The following DACH2 variants were observed in gnomAD, a reference collection of about 807,000 sequenced individuals.
The protein encoded by DACH2 is dachshund homolog 2.
DACH2 carries 17 observed loss-of-function variants against 35.8 expected under a neutral mutation model. That is an observed-to-expected ratio of 0.48 (90% CI 0.33 to 0.71). DACH2 has a LOEUF of 0.71. Among genes scored for constraint, DACH2 ranks in the 30% least tolerant of loss-of-function variants. The pLI is 0.02. For missense variants in DACH2, 469 were observed against 472.7 expected (o/e 0.99, Z 0.07); for synonymous variants, 195 against 177.3 (o/e 1.10, Z -0.79).
At chrX:86,186,768 T>G (rs1010094150) in intron 1 of DACH2, among the ~76,000 whole-genome samples, 8 of 111,379 alleles carry the variant, frequency 7.2e-5, no homozygotes, top group African/African-American at 2.3e-4. Context: ...CAAGCTGGGG[T>G]CCAGACCCCA....
In DACH2 at chrX:86,565,608, G is replaced by A. The variant is rs190917980; in HGVS notation, c.640+51217G>A. 2.0e-4 allele frequency among the ~76,000 whole-genome samples: 22 copies of A among 111,354 alleles called. No homozygotes were observed. In the East Asian group the frequency reaches 2.3e-3, roughly 11 times the overall value. On this transcript the variant is annotated intron_variant, in intron 3 of 11. Coordinates refer to ENST00000373125, the MANE Select transcript of DACH2 (RefSeq NM_053281.3). Reference sequence around the variant, plus strand: ...CTCTTTTTATTTTCTTCATCTGGCCGTTTATAGCACATAGAAGGTACTCAG... The same window carrying A: ...CTCTTTTTATTTTCTTCATCTGGCCATTTATAGCACATAGAAGGTACTCAG...
At position 86,463,390 on chromosome X, in the gene DACH2, T is replaced by A. The variant is rs781340672; in HGVS notation, c.528-50889T>A. Among the ~76,000 whole-genome samples the A allele has an allele frequency of 9.1e-5, 10 of 110,472 alleles. No individual in the cohort carries two copies. In the South Asian group the frequency reaches 3.5e-3, roughly 38 times the overall value. On this transcript the variant is annotated intron_variant, in intron 2 of 11. Coordinates refer to ENST00000373125, the MANE Select transcript of DACH2 (RefSeq NM_053281.3). Reference sequence around the variant, plus strand: ...GTGTAGAACATCTACAACCACCTGATTTTCAACAAACCTGACAAAAACAAG... The same window carrying A: ...GTGTAGAACATCTACAACCACCTGAATTTCAACAAACCTGACAAAAACAAG...
chrX:86,401,787 C>G (rs1223911498), intron 2 of DACH2, among the ~76,000 whole-genome samples: 1 of 106,225 alleles, frequency 9.4e-6, no homozygotes, highest in East Asian at 3.0e-4. Flanking sequence ...AAATCCTCAA[C>G]AAAATACTAG....
intron 1 of DACH2, among the ~76,000 whole-genome samples, chrX:86,287,160 C>T (rs1207444649): frequency 1.3e-5 from 1 of 76,397 alleles, no homozygotes; most frequent in African/African-American, 5.7e-5. Context: ...ATATGCTATT[C>T]TAGGGTAAAT....
chrX:86,252,191 AT>A (rs1002506875), intron 1 of DACH2, among the ~76,000 whole-genome samples: 8 of 107,167 alleles, frequency 7.5e-5, no homozygotes, highest in South Asian at 4.0e-4. Context: ...GATGTGATTG[AT>A]TTTTTTTTCT....
chrX:86,376,787 TTTTA>T (rs1341904649), intron 1 of DACH2, 33 bp from the exon 2 acceptor site: 9 of 1,114,300 alleles, frequency 8.1e-6, no homozygotes, highest in East Asian at 3.3e-5. Flanking sequence ...AATTAACCAG[TTTTA>T]TTTATTTATT....
chrX:86,503,161 A>G (rs775342778), intron 2 of DACH2, among the ~76,000 whole-genome samples: 15 of 112,142 alleles, frequency 1.3e-4, no homozygotes, highest in Non-Finnish European at 1.1e-4. Flanking sequence ...TATGTTTTCT[A>G]TTCTCTTCCC....
chrX:86,360,332 C>A (rs761366775), intron 1 of DACH2, among the ~76,000 whole-genome samples: 1 of 111,258 alleles, frequency 9.0e-6, no homozygotes. Context: ...CCCACACTTT[C>A]ATTCTGTTGG....
At chrX:86,407,067 A>G (rs901533516) in intron 2 of DACH2, among the ~76,000 whole-genome samples, 7 of 112,128 alleles carry the variant, frequency 6.2e-5, no homozygotes, top group African/African-American at 2.3e-4. Context: ...AGAGACTTGA[A>G]CTAACATGAT....
rs746819922 is a variant in DACH2, at chrX:86,622,956, CAT to C, written c.641-28079_641-28078del. Among the ~76,000 whole-genome samples, 421 of 111,884 alleles carry C rather than the reference CAT, an allele frequency of 3.8e-3. 2 individuals carry two copies. Among genetic ancestry groups the C allele is most frequent in the Non-Finnish European group, 4.6e-3 (242 of 53,129 alleles). On this transcript the variant is annotated intron_variant, in intron 3 of 11. Coordinates refer to ENST00000373125, the MANE Select transcript of DACH2 (RefSeq NM_053281.3). Reference sequence around the variant, plus strand: ...GGTATGTTTGTGAGTACTATTAACACATGTGTATGACTACATTCTAACTATTG... The same window carrying C: ...GGTATGTTTGTGAGTACTATTAACACGTGTATGACTACATTCTAACTATTG...
In DACH2 at chrX:86,669,381, C is replaced by T. The variant is rs140213189; in HGVS notation, c.772+18214C>T. 6.2e-3 allele frequency among the ~76,000 whole-genome samples: 688 copies of T among 110,596 alleles called. 3 individuals are homozygous for T. Among genetic ancestry groups the T allele is most frequent in the African/African-American group, 0.021 (637 of 30,553 alleles). The stretch of plus-strand genomic sequence containing the variant: ...TGCTTTCCAATTCTTGTTTTAGACC[C>T]TTCTTAGTAGATACAAGAATTGGCA... On this transcript the variant is annotated intron_variant, in intron 4 of 11. Transcript: ENST00000373125.
At chrX:86,636,943 T>C (rs2040273311) in intron 3 of DACH2, among the ~76,000 whole-genome samples, 1 of 101,965 alleles carries the variant, frequency 9.8e-6, no homozygotes, top group African/African-American at 3.6e-5. Context: ...TGGGAGAAAA[T>C]TTTTTCAAAG....
At chrX:86,523,413 TA>T (rs60430255) in intron 3 of DACH2, among the ~76,000 whole-genome samples, 115 of 111,448 alleles carry the variant, frequency 1.0e-3, no homozygotes, top group African/African-American at 3.5e-3. Context: ...ATTCTCAGTT[TA>T]AAAAAAATAT....
Position 86,338,070 on chromosome X carries a change from T to C in DACH2, c.489-38754T>C, listed in dbSNP as rs777544506. The stretch of plus-strand genomic sequence containing the variant: ...GGAGCACTCAAATTCATAAAGCAAG[T>C]TCTTAGAGACCTACAAAGAGACTTA... On this transcript the variant is annotated intron_variant, in intron 1 of 11. Transcript: ENST00000373125. 5.4e-5 allele frequency among the ~76,000 whole-genome samples: 6 copies of C among 111,647 alleles called. No individual in the cohort carries two copies. In the East Asian group the frequency reaches 1.7e-3, roughly 32 times the overall value.
chrX:86,453,797 AT>A (rs2037425616), intron 2 of DACH2, among the ~76,000 whole-genome samples: 1 of 111,386 alleles, frequency 9.0e-6, no homozygotes, highest in African/African-American at 3.3e-5. Flanking sequence ...AACTGGGACA[AT>A]TAGCTCATGT....
intron 7 of DACH2, among the ~76,000 whole-genome samples, chrX:86,789,052 C>T (rs2042163978): frequency 8.9e-6 from 1 of 111,856 alleles, no homozygotes; most frequent in Non-Finnish European, 1.9e-5. Context: ...ATTTCCCCCT[C>T]AGACAAACCT....
intron 1 of DACH2, among the ~76,000 whole-genome samples, chrX:86,252,872 C>A (rs1334321344): frequency 1.8e-5 from 2 of 110,461 alleles, no homozygotes; most frequent in Non-Finnish European, 3.8e-5. Flanking sequence ...TTCTCTAGTT[C>A]TTTTATTACT....
At chrX:86,332,363 G>T (rs763406255) in intron 1 of DACH2, among the ~76,000 whole-genome samples, 1 of 111,251 alleles carries the variant, frequency 9.0e-6, no homozygotes, top group African/African-American at 3.3e-5. Flanking sequence ...CGACTACCAG[G>T]TATTGGTTCT....
At chrX:86,264,114 T>A (rs763807826) in intron 1 of DACH2, among the ~76,000 whole-genome samples, 30 of 112,213 alleles carry the variant, frequency 2.7e-4, no homozygotes, top group African/African-American at 9.4e-4. Context: ...ATAATTTATG[T>A]ATAGTGTATG....
Sources: allele counts gnomAD v4.1 joint callset (sites outside exome capture counted in the v4.1 genomes callset), GRCh38; gene constraint gnomAD v4.1.1; transcripts MANE v1.5; gene names NCBI Gene and HGNC (gene_info 2026-07-23, HGNC 2026-07-21).